The following BANP variants were observed in gnomAD, a reference collection of about 807,000 sequenced individuals.
The protein encoded by BANP is BTG3 associated nuclear protein.
In BANP, 11 loss-of-function variants were observed where a neutral mutation model predicts 68.1. That is an observed-to-expected ratio of 0.16 (90% CI 0.10 to 0.27). BANP has a LOEUF of 0.27. BANP is among the 10% of genes least tolerant of loss of function. BANP has a pLI of 1.00. For synonymous variants in BANP, 329 were observed against 303.2 expected, an observed-to-expected ratio of 1.09 and a Z score of -0.88; for missense variants, 504 against 722.7, an observed-to-expected ratio of 0.70 and a Z score of 3.47.
rs1285188078 is a variant in BANP at position 88,003,091 on chromosome 16, G to A, written c.363-1204G>A. On this transcript the variant is annotated intron_variant, in intron 4 of 13. Coordinates refer to ENST00000682872, the MANE Select transcript of BANP (RefSeq NM_001386991.1). This position sits in a 1 kb window ranked among gnomAD's most constrained non-coding sequence, Gnocchi z 6.1. The stretch of plus-strand genomic sequence containing the variant: ...CATAGGACTGTCACAGCCTGTAGGT[G>A]ACTGTGGTGACCAAGCCAAAAGCCA... 6.6e-6 allele frequency among the ~76,000 whole-genome samples: 1 copy of A among 152,208 alleles called. No homozygotes were observed. Among genetic ancestry groups the A allele is most frequent in the Non-Finnish European group, 1.5e-5 (1 of 68,038 alleles).
At position 88,071,945 on chromosome 16, in the gene BANP, C is replaced by T. The variant is rs897781555; in HGVS notation, c.1378-124C>T. The T allele has an allele frequency of 8.4e-6, 11 of 1,304,082 alleles. No homozygotes were observed. Among genetic ancestry groups the T allele is most frequent in the African/African-American group, 2.9e-5 (2 of 68,028 alleles). The allele number at this position is 1,304,082 out of a possible 1,614,324, so 80.8% of individuals were successfully genotyped here. ...AGAGTCCTCGGTGTGGCCCTGAGGC[C>T]GTGTCCCTGCCGCTCAGGGGACAGC... On this transcript the variant is annotated intron_variant, in intron 12 of 13. Transcript: ENST00000682872. The surrounding 1 kb of genome is among the most constrained non-coding windows in gnomAD (Gnocchi z 6.5).
intron 11 of BANP, among the ~76,000 whole-genome samples, chr16:88,060,295 A>AGCCTG (rs1016529823): frequency 6.6e-6 from 1 of 152,242 alleles, no homozygotes; most frequent in South Asian, 2.1e-4. Flanking sequence ...GGGTCTCCCC[A>AGCCTG]GCCTGGCCTG....
Position 88,018,524 on chromosome 16 carries a change from C to T in BANP, c.752C>T (p.Thr251Ile). The change falls in exon 7 of 14, where the codon ACC (threonine) becomes ATC (isoleucine). Residue 251 changes from threonine to isoleucine, a missense_variant. Thr to Ile is a moderately conservative substitution (Grantham distance 89). This residue lies in a region of BANP where 43 missense variants were observed against 197.7 expected (regional missense o/e 0.22). Coordinates refer to ENST00000682872, the MANE Select transcript of BANP (RefSeq NM_001386991.1). This position sits in a 1 kb window ranked among gnomAD's most constrained non-coding sequence, Gnocchi z 7.7. ...IIPSDMLHIS[T>I]NCRTAEKMAL... The stretch of plus-strand genomic sequence containing the variant: ...CCCTCCGACATGCTGCACATCAGCA[C>T]CAACTGCCGCACGGCCGAGAAGATG... The T allele has an allele frequency of 6.2e-7, 1 of 1,613,612 alleles. No individual in the cohort carries two copies. The highest frequency in any genetic ancestry group is 8.5e-7 in the Non-Finnish European group (1 of 1,180,022).
chr16:88,024,253 G>A (rs2076548793), intron 7 of BANP, among the ~76,000 whole-genome samples: 1 of 152,188 alleles, frequency 6.6e-6, no homozygotes, highest in Admixed American at 6.5e-5. Context: ...CACCTGGTGG[G>A]CCCAGGAAGC....
At chr16:88,060,081 G>T (rs2086290671) in intron 11 of BANP, among the ~76,000 whole-genome samples, 1 of 152,272 alleles carries the variant, frequency 6.6e-6, no homozygotes, top group Non-Finnish European at 1.5e-5. Context: ...AGTTGGGGGT[G>T]CTCTGCTGTG....
intron 11 of BANP, among the ~76,000 whole-genome samples, chr16:88,063,268 T>TCAGCC (rs1392596636): frequency 3.3e-5 from 5 of 152,242 alleles, no homozygotes; most frequent in Admixed American, 3.3e-4. Context: ...CTTTCGCCTC[T>TCAGCC]CAGCCCTCCC....
At chr16:88,034,042 G>C (rs1343232845) in intron 9 of BANP, among the ~76,000 whole-genome samples, 1 of 152,176 alleles carries the variant, frequency 6.6e-6, no homozygotes, top group Non-Finnish European at 1.5e-5. Context: ...GTGTCACCAG[G>C]GCTTTCTCCT....
intron 10 of BANP, chr16:88,037,758 AGTT>A: frequency 1.7e-6 from 1 of 594,102 alleles, no homozygotes; most frequent in Non-Finnish European, 3.0e-6. Context: ...ATGCTTTTTG[AGTT>A]GTTTGTTCAT....
At chr16:87,980,983 A>G in intron 2 of BANP, 53 bp from the exon 3 acceptor site, 1 of 1,281,842 alleles carries the variant, frequency 7.8e-7, no homozygotes, top group Non-Finnish European at 1.1e-6. Context: ...TGTTAAAATA[A>G]TTCTGTAAAA....
At chr16:88,075,125 C>T (rs1013518570) in intron 13 of BANP, among the ~76,000 whole-genome samples, 2 of 152,118 alleles carry the variant, frequency 1.3e-5, no homozygotes, top group African/African-American at 4.8e-5. Context: ...GCAGGCCAAT[C>T]ACCTGAGGTC....
At chr16:87,993,532 C>G (rs1419454308) in intron 4 of BANP, among the ~76,000 whole-genome samples, 1 of 152,140 alleles carries the variant, frequency 6.6e-6, no homozygotes, top group African/African-American at 2.4e-5. Context: ...TCAGTTGGCT[C>G]CCGTGCCCCT....
intron 8 of BANP, among the ~76,000 whole-genome samples, chr16:88,028,098 T>G (rs2077358909): frequency 6.6e-6 from 1 of 152,266 alleles, no homozygotes; most frequent in Non-Finnish European, 1.5e-5. Context: ...TTGAGTTGCC[T>G]CTCAGGCATC....
chr16:87,955,312 A>G (rs564195123), intron 1 of BANP, among the ~76,000 whole-genome samples: 9 of 152,332 alleles, frequency 5.9e-5, no homozygotes, highest in South Asian at 4.1e-4. Flanking sequence ...AGAAACGCAC[A>G]CTTTCAGGCC....
At position 87,957,536 on chromosome 16, in the gene BANP, C is replaced by G. The variant is rs948098400; in HGVS notation, c.-69+6021C>G. ...GCTCACGGAGGCCTGCCGCAGGGCC[C>G]TGCGCTGACAAACCTTTCGCTAGTG... On this transcript the variant is annotated intron_variant, in intron 1 of 13. Coordinates refer to ENST00000682872, the MANE Select transcript of BANP (RefSeq NM_001386991.1). This position sits in a 1 kb window ranked among gnomAD's most constrained non-coding sequence, Gnocchi z 4.3. Among the ~76,000 whole-genome samples the G allele has an allele frequency of 6.6e-6, 1 of 152,256 alleles. No individual in the cohort carries two copies. Among genetic ancestry groups the G allele is most frequent in the African/African-American group, 2.4e-5 (1 of 41,472 alleles).
upstream of BANP, among the ~76,000 whole-genome samples, chr16:87,950,131 C>T (rs1462777310): frequency 6.6e-6 from 1 of 152,220 alleles, no homozygotes; most frequent in African/African-American, 2.4e-5. Flanking sequence ...CCCGCCTCGG[C>T]CTCCCAAAGT....
rs1289892623 is a variant in BANP, at chr16:88,018,627, G to A, written c.855G>A (p.Gly285=). The A allele has an allele frequency of 6.3e-7, 1 of 1,576,218 alleles. No individual in the cohort carries two copies. Among genetic ancestry groups the A allele is most frequent in the Non-Finnish European group, 8.6e-7 (1 of 1,160,816 alleles). ...VSNLSGQGKH[G]KKQLDPLTIY... ...ACCTCTCGGGGCAGGGCAAGCACGG[G>A]AAGAAGCAGCTGGACCCGCTCACCA... The change falls in exon 7 of 14, where the codon GGG becomes GGA. Residue 285 remains glycine, a synonymous_variant. Coordinates refer to ENST00000682872, the MANE Select transcript of BANP (RefSeq NM_001386991.1). The surrounding 1 kb of genome is among the most constrained non-coding windows in gnomAD (Gnocchi z 7.7).
intron 1 of BANP, among the ~76,000 whole-genome samples, chr16:87,974,415 C>A (rs917018917): frequency 6.6e-6 from 1 of 152,182 alleles, no homozygotes; most frequent in Non-Finnish European, 1.5e-5. Flanking sequence ...ACAGATGGTT[C>A]CTCCTTGGTC....
chr16:88,040,569 G>T (rs1598760920), intron 11 of BANP, among the ~76,000 whole-genome samples: 1 of 152,066 alleles, frequency 6.6e-6, no homozygotes, highest in African/African-American at 2.4e-5. Flanking sequence ...CAGTGCGGGG[G>T]TCACACGGCC....
At chr16:88,029,454 C>CA (rs921620764) in intron 8 of BANP, among the ~76,000 whole-genome samples, 10 of 150,494 alleles carry the variant, frequency 6.6e-5, no homozygotes, top group African/African-American at 1.5e-4. Context: ...CTAAAAGTGT[C>CA]AAAAAAATTA....
Sources: gnomAD v4.1 joint callset for allele counts (sites outside exome capture counted in the v4.1 genomes callset) on GRCh38, gnomAD v4.1.1 for gene constraint, gnomAD v4.1.1 regional missense constraint, Gnocchi (gnomAD v3.1) non-coding constraint, MANE v1.5 for transcripts, NCBI Gene and HGNC (gene_info 2026-07-23, HGNC 2026-07-21) for gene names.